The following SLC39A11 variants were observed in gnomAD, a reference collection of about 807,000 sequenced individuals.
SLC39A11 encodes the protein solute carrier family 39 member 11, also known as zinc transporter ZIP11.
Under a neutral mutation model 36.1 loss-of-function variants are expected in SLC39A11, and 33 were observed. That is an observed-to-expected ratio of 0.91 (90% CI 0.69 to 1.22). SLC39A11 has a LOEUF of 1.22. SLC39A11 is among the 50% of genes most tolerant of loss of function. SLC39A11 has a pLI of 0.00. For synonymous variants in SLC39A11, 166 were observed against 170.3 expected, an observed-to-expected ratio of 0.97 and a Z score of 0.20; for missense variants, 432 against 430.3, an observed-to-expected ratio of 1.00 and a Z score of -0.03.
intron 7 of SLC39A11, among the ~76,000 whole-genome samples, chr17:72,701,292 C>A (rs2072604542): frequency 1.3e-5 from 2 of 152,276 alleles, no homozygotes; most frequent in Admixed American, 1.3e-4. Flanking sequence ...CTATGGAGGA[C>A]AAAAACTAGC....
chr17:72,909,396 A>G (rs897450976), intron 5 of SLC39A11, among the ~76,000 whole-genome samples: 3 of 152,150 alleles, frequency 2.0e-5, no homozygotes, highest in African/African-American at 4.8e-5. Context: ...CTTGAATCCC[A>G]TTTTCCAAGC....
intron 5 of SLC39A11, among the ~76,000 whole-genome samples, chr17:72,891,324 G>A (rs2081732554): frequency 6.6e-6 from 1 of 152,178 alleles, no homozygotes; most frequent in Non-Finnish European, 1.5e-5. Flanking sequence ...AGGAGGCTGA[G>A]GCACGAGAAT....
At chr17:72,732,554 G>A (rs187211714) in intron 7 of SLC39A11, among the ~76,000 whole-genome samples, 2 of 152,144 alleles carry the variant, frequency 1.3e-5, no homozygotes, top group Admixed American at 6.5e-5. Context: ...CCCTCGGTTC[G>A]GGTCTGTCTG....
intron 3 of SLC39A11, among the ~76,000 whole-genome samples, chr17:73,051,094 T>C (rs566264479): frequency 6.6e-6 from 1 of 152,212 alleles, no homozygotes; most frequent in Admixed American, 6.5e-5. Context: ...AAAATCAAGG[T>C]GTCAGCTGGG....
chr17:72,810,376 G>C (rs1297507039), intron 6 of SLC39A11, among the ~76,000 whole-genome samples: 2 of 152,248 alleles, frequency 1.3e-5, no homozygotes, highest in South Asian at 2.1e-4. Flanking sequence ...TGGACAAATA[G>C]TAGCATATAA....
intron 4 of SLC39A11, among the ~76,000 whole-genome samples, chr17:72,976,998 C>CTA (rs1405482796): frequency 6.6e-6 from 1 of 152,272 alleles, no homozygotes; most frequent in African/African-American, 2.4e-5. Context: ...GGACCTATGA[C>CTA]TATGACACGC....
At chr17:72,719,901 TG>T (rs1262398706) in intron 7 of SLC39A11, among the ~76,000 whole-genome samples, 1 of 151,936 alleles carries the variant, frequency 6.6e-6, no homozygotes, top group East Asian at 1.9e-4. Flanking sequence ...GCCCGGCGGA[TG>T]GGGGAGGGGC....
At chr17:72,677,515 T>C (rs1306243224) in intron 7 of SLC39A11, among the ~76,000 whole-genome samples, 1 of 152,196 alleles carries the variant, frequency 6.6e-6, no homozygotes, top group Non-Finnish European at 1.5e-5. Context: ...TAACCTGAAC[T>C]GAGCAAATTT....
At chr17:72,755,311 C>T (rs369751968) in intron 6 of SLC39A11, among the ~76,000 whole-genome samples, 8 of 152,340 alleles carry the variant, frequency 5.3e-5, no homozygotes, top group East Asian at 1.9e-4. Context: ...ATAAGGGCAA[C>T]GAAATCAGGA....
At chr17:73,084,176 G>A (rs1445910719) in intron 3 of SLC39A11, among the ~76,000 whole-genome samples, 1 of 152,004 alleles carries the variant, frequency 6.6e-6, no homozygotes, top group South Asian at 2.1e-4. Flanking sequence ...CATAACTCAC[G>A]CCTGTAATCC....
At chr17:72,672,744 A>G (rs2071077485) in intron 7 of SLC39A11, among the ~76,000 whole-genome samples, 1 of 152,008 alleles carries the variant, frequency 6.6e-6, no homozygotes, top group South Asian at 2.1e-4. Flanking sequence ...GACCACTGAA[A>G]TATGCCACCA....
chr17:72,666,451 C>T (rs1333522351), intron 7 of SLC39A11, among the ~76,000 whole-genome samples: 2 of 152,230 alleles, frequency 1.3e-5, no homozygotes, highest in Non-Finnish European at 2.9e-5. Context: ...TGGGCACAAT[C>T]TTAGGAGCTG....
chr17:72,670,110 A>T (rs536266307), intron 7 of SLC39A11, among the ~76,000 whole-genome samples: 1 of 151,182 alleles, frequency 6.6e-6, no homozygotes, highest in African/African-American at 2.4e-5. Context: ...ATACTTGTAC[A>T]TATATAGTTT....
intron 6 of SLC39A11, among the ~76,000 whole-genome samples, chr17:72,791,684 G>A (rs2076709988): frequency 6.6e-6 from 1 of 152,182 alleles, no homozygotes; most frequent in African/African-American, 2.4e-5. Flanking sequence ...TGTGTTGGGG[G>A]AGGGAGCTCG....
chr17:72,978,367 C>T (rs2088021519), intron 4 of SLC39A11, among the ~76,000 whole-genome samples: 2 of 152,206 alleles, frequency 1.3e-5, no homozygotes, highest in Admixed American at 6.5e-5. Context: ...AAGGAGCCTA[C>T]ATTGTGGTGG....
intron 4 of SLC39A11, among the ~76,000 whole-genome samples, chr17:72,961,569 T>A (rs2086613605): frequency 1.3e-5 from 2 of 152,202 alleles, no homozygotes; most frequent in South Asian, 4.1e-4. Flanking sequence ...TAAAAAAGGA[T>A]GAGTTCATGT....
intron 5 of SLC39A11, among the ~76,000 whole-genome samples, chr17:72,939,198 C>G (rs868447851): frequency 6.6e-6 from 1 of 152,176 alleles, no homozygotes; most frequent in Non-Finnish European, 1.5e-5. Flanking sequence ...TGGTGGCTCA[C>G]GCCTATAATC....
At chr17:72,906,448 C>G (rs2082661487) in intron 5 of SLC39A11, among the ~76,000 whole-genome samples, 1 of 152,244 alleles carries the variant, frequency 6.6e-6, no homozygotes, top group Non-Finnish European at 1.5e-5. Context: ...CGGGGCTTGG[C>G]TGGGTCTGTG....
intron 6 of SLC39A11, among the ~76,000 whole-genome samples, chr17:72,783,399 T>C (rs1053460095): frequency 6.6e-6 from 1 of 152,200 alleles, no homozygotes; most frequent in Non-Finnish European, 1.5e-5. Flanking sequence ...ACACGCCCCT[T>C]CCTATCACCA....
Sources: gnomAD v4.1 joint callset for allele counts (sites outside exome capture counted in the v4.1 genomes callset) on GRCh38, gnomAD v4.1.1 for gene constraint, MANE v1.5 for transcripts, NCBI Gene and HGNC (gene_info 2026-07-23, HGNC 2026-07-21) for gene names.